Variants in RAI14 observed in about 807,000 individuals in gnomAD.
RAI14 encodes the protein retinoic acid induced 14.
Under a neutral mutation model 115.4 loss-of-function variants are expected in RAI14, and 45 were observed. That is an observed-to-expected ratio of 0.39 (90% CI 0.31 to 0.50). The LOEUF (loss-of-function observed/expected upper bound fraction) is 0.50, where lower values mean the gene tolerates loss of function less well. Among genes scored for constraint, RAI14 ranks in the 20% least tolerant of loss-of-function variants. RAI14 has a pLI of 0.85. For missense variants in RAI14, 939 were observed against 1,131.2 expected (o/e 0.83, Z 2.44); for synonymous variants, 371 against 415.4 (o/e 0.89, Z 1.30).
intron 1 of RAI14, among the ~76,000 whole-genome samples, chr5:34,671,182 G>C (rs1366909925): frequency 6.6e-6 from 1 of 152,062 alleles, no homozygotes; most frequent in African/African-American, 2.4e-5. Flanking sequence ...AATTGAGGAT[G>C]GTCTTTTGGC....
intron 2 of RAI14, chr5:34,733,348 C>G (rs528632594): frequency 1.3e-5 from 2 of 152,162 alleles, no homozygotes; most frequent in Admixed American, 1.3e-4. Context: ...TGTTAGTACT[C>G]GAATGCTCCT....
Position 34,687,546 on chromosome 5 carries a change from C to T in RAI14, c.36+591C>T. The T allele has an allele frequency of 2.1e-6, 3 of 1,420,286 alleles. No homozygotes were observed. In the East Asian group the frequency reaches 7.8e-5, roughly 37 times the overall value. 88.0% of individuals were successfully genotyped at this position (1,420,286 alleles called of 1,614,324 possible). A position where few individuals can be genotyped will look rare whatever the true frequency, so the allele number is the denominator to read the frequency against. On this transcript the variant is annotated intron_variant, in intron 2 of 17. Coordinates refer to ENST00000265109, the MANE Select transcript of RAI14 (RefSeq NM_015577.3). ...TGTCAGAGTTATGAAATAAAGTCTC[C>T]CCCAGGAGAAGAGGGAGAAAAACAT...
intron 2 of RAI14, among the ~76,000 whole-genome samples, chr5:34,689,341 G>T (rs1258178534): frequency 1.3e-5 from 2 of 152,052 alleles, no homozygotes; most frequent in Non-Finnish European, 2.9e-5. Flanking sequence ...AGAGGTCAAG[G>T]CTACAGTGAA....
At chr5:34,754,875 A>T (rs370159767) in intron 2 of RAI14, among the ~76,000 whole-genome samples, 45 of 152,308 alleles carry the variant, frequency 3.0e-4, no homozygotes, top group African/African-American at 9.9e-4. Context: ...ACCTAAGAGT[A>T]GAGTGCCTTA....
At chr5:34,778,301 TGA>T (rs1751146528) in intron 3 of RAI14, among the ~76,000 whole-genome samples, 1 of 152,222 alleles carries the variant, frequency 6.6e-6, no homozygotes, top group South Asian at 2.1e-4. Flanking sequence ...GAGTGGTGCC[TGA>T]GAGTCTGCAT....
intron 2 of RAI14, among the ~76,000 whole-genome samples, chr5:34,727,612 A>G (rs577241574): frequency 6.6e-6 from 1 of 152,224 alleles, no homozygotes; most frequent in African/African-American, 2.4e-5. Flanking sequence ...GGTGTCCTGC[A>G]TACCACCTGC....
At chr5:34,749,002 G>A (rs1746663980) in intron 2 of RAI14, among the ~76,000 whole-genome samples, 1 of 152,068 alleles carries the variant, frequency 6.6e-6, no homozygotes, top group Admixed American at 6.5e-5. Context: ...AGTCAACTGG[G>A]GAAAATATTA....
At chr5:34,744,327 G>A (rs1745903888) in intron 2 of RAI14, among the ~76,000 whole-genome samples, 1 of 152,094 alleles carries the variant, frequency 6.6e-6, no homozygotes, top group Non-Finnish European at 1.5e-5. Flanking sequence ...TTATGAACAT[G>A]TTTATAAAGC....
chr5:34,677,897 C>T (rs1561229649), intron 1 of RAI14, among the ~76,000 whole-genome samples: 1 of 152,162 alleles, frequency 6.6e-6, no homozygotes, highest in Non-Finnish European at 1.5e-5. Flanking sequence ...TACTTTTGCA[C>T]CAATCTAATA....
intron 3 of RAI14, among the ~76,000 whole-genome samples, chr5:34,794,056 T>C (rs1199845427): frequency 3.3e-5 from 5 of 152,186 alleles, no homozygotes; most frequent in Admixed American, 3.3e-4. Flanking sequence ...TCCAACAATG[T>C]TGAGAAGTGG....
Position 34,823,962 on chromosome 5 carries a change from C to T in RAI14, c.2120C>T (p.Ser707Leu). 2 of 1,614,044 alleles carry T rather than the reference C, an allele frequency of 1.2e-6. No homozygotes were observed. The highest frequency in any genetic ancestry group is 1.6e-4 in the Middle Eastern group (1 of 6,062). ...CTGTCTGAAATGAAGTCTCAGTATT[C>T]AAAAGTGTTGAATGAGTTGACCCAG... ...DALSEMKSQY[S>L]KVLNELTQLK... Residue 707 changes from serine to leucine, a missense_variant, in exon 15 of 18, where the codon TCA becomes TTA. Transcript: ENST00000265109. This position sits in a 1 kb window ranked among gnomAD's most constrained non-coding sequence, Gnocchi z 4.5.
chr5:34,806,701 G>C (rs1251663650), intron 5 of RAI14, among the ~76,000 whole-genome samples: 1 of 152,124 alleles, frequency 6.6e-6, no homozygotes, highest in Admixed American at 6.5e-5. Flanking sequence ...GCTGTTGATG[G>C]AGAAGGCAGT....
rs376732905 is a variant in RAI14 at position 34,826,439 on chromosome 5, C to T, written c.2759C>T (p.Ala920Val). Reference protein sequence around the residue: ...SSKRQSQQLEALQQQVKQLQN... With the variant: ...SSKRQSQQLEVLQQQVKQLQN... ...AAAAGGCAGAGTCAGCAGCTGGAGG[C>T]GCTGCAGCAGCAAGTCAAACAGCTC... is the stretch of plus-strand genomic sequence containing the variant. Residue 920 changes from alanine (A) to valine (V), a missense_variant, in exon 16 of 18, where the codon GCG becomes GTG. Physicochemically the swap from Ala to Val is moderately conservative, Grantham distance 64 (BLOSUM62 0). Transcript: ENST00000265109. 50 of 1,613,898 alleles carry T rather than the reference C, an allele frequency of 3.1e-5. No individual in the cohort carries two copies. Among genetic ancestry groups the T allele is most frequent in the Middle Eastern group, 1.6e-4 (1 of 6,062 alleles).
At chr5:34,698,435 C>A (rs1739612881) in intron 2 of RAI14, among the ~76,000 whole-genome samples, 1 of 151,740 alleles carries the variant, frequency 6.6e-6, no homozygotes, top group Non-Finnish European at 1.5e-5. Context: ...CTCAAAACGT[C>A]CCATCTAGTT....
At position 34,827,277 on chromosome 5, in the gene RAI14, T is replaced by C. The variant is rs912260279; in HGVS notation, c.2799+798T>C. On this transcript the variant is annotated intron_variant, in intron 16 of 17. Coordinates refer to ENST00000265109, the MANE Select transcript of RAI14 (RefSeq NM_015577.3). The surrounding 1 kb of genome is among the most constrained non-coding windows in gnomAD (Gnocchi z 4.2). ...TTACATCTAAAGCCCACCTAGATAA[T>C]CCACGATAATCTCCCTCTCCATCTC... Among the ~76,000 whole-genome samples, 1 of 147,256 alleles carries C rather than the reference T, an allele frequency of 6.8e-6. No homozygotes were observed. The highest frequency in any genetic ancestry group is 1.5e-5 in the Non-Finnish European group (1 of 66,920).
At position 34,706,377 on chromosome 5, in the gene RAI14, A is replaced by G. The variant is rs563528572; in HGVS notation, c.36+19422A>G. ...AAACTTACTCATTAAACTGAGGACA[A>G]TGAAGATTTCTTAAAAGGTAAATAT... On this transcript the variant is annotated intron_variant, in intron 2 of 17. Coordinates refer to ENST00000265109, the MANE Select transcript of RAI14 (RefSeq NM_015577.3). 1.3e-5 allele frequency among the ~76,000 whole-genome samples: 2 copies of G among 152,326 alleles called. 1 individual carries two copies. Among genetic ancestry groups the G allele is most frequent in the African/African-American group, 4.8e-5 (2 of 41,588 alleles).
rs140940303 is a variant in RAI14 at position 34,666,209 on chromosome 5, T to C, written c.-49+9734T>C. 4.6e-3 allele frequency among the ~76,000 whole-genome samples: 695 copies of C among 152,260 alleles called. 4 individuals are homozygous for C. Among genetic ancestry groups the C allele is most frequent in the African/African-American group, 0.016 (658 of 41,544 alleles). On this transcript the variant is annotated intron_variant, in intron 1 of 17. Coordinates refer to ENST00000265109, the MANE Select transcript of RAI14 (RefSeq NM_015577.3). ...TCTTGTAGTCTCACAGGAGATGTCC[T>C]GCGCCCCACTTGACAATACTCCTAG...
chr5:34,829,886 T>G, intron 17 of RAI14, 89 bp downstream of exon 17: 1 of 1,090,216 alleles, frequency 9.2e-7, no homozygotes, highest in Non-Finnish European at 1.4e-6. Flanking sequence ...ACTAGGAGAA[T>G]GAACAAGAAT....
At chr5:34,781,413 A>G (rs572146624) in intron 3 of RAI14, among the ~76,000 whole-genome samples, 17 of 152,338 alleles carry the variant, frequency 1.1e-4, no homozygotes, top group Admixed American at 2.6e-4. Context: ...GACAAAGCTG[A>G]AGGATGTTTC....
Sources: gnomAD v4.1 joint callset for allele counts (sites outside exome capture counted in the v4.1 genomes callset) on GRCh38, gnomAD v4.1.1 for gene constraint, Gnocchi (gnomAD v3.1) non-coding constraint, MANE v1.5 for transcripts, NCBI Gene and HGNC (gene_info 2026-07-23, HGNC 2026-07-21) for gene names.